Variants in ATAD3C observed in about 807,000 individuals in gnomAD.
ATAD3C encodes the protein ATPase family AAA domain-containing protein 3C.
A neutral mutation model predicts 46.3 loss-of-function variants in ATAD3C; 38 were observed. The ratio of observed to expected loss-of-function variants is 0.82; its 90% CI spans 0.63 to 1.08. ATAD3C has a LOEUF of 1.08. Ranked by LOEUF, ATAD3C falls within the 50% of genes least tolerant of loss-of-function variation. The pLI, the probability that ATAD3C is intolerant of heterozygous loss-of-function variation, is 0.00. For missense variants in ATAD3C, 563 were observed against 572.7 expected (o/e 0.98, Z 0.17); for synonymous variants, 220 against 236.4 (o/e 0.93, Z 0.63).
In ATAD3C at chr1:1,459,262, G is replaced by C. The variant is rs775924265; in HGVS notation, c.812+31G>C. ...GGAGCCCCTCGGGTCCTGGGCCCCC[G>C]GGCAGGGCTGTGCAGCCGTCACCCT... On this transcript the variant is annotated intron_variant, in intron 9 of 11. Coordinates refer to ENST00000378785, the MANE Select transcript of ATAD3C (RefSeq NM_001039211.3). The surrounding 1 kb of genome is among the most constrained non-coding windows in gnomAD (Gnocchi z 4.9). 4 of 1,609,146 alleles carry C rather than the reference G, an allele frequency of 2.5e-6. No individual in the cohort carries two copies. The highest frequency in any genetic ancestry group is 3.4e-6 in the Non-Finnish European group (4 of 1,179,660).
chr1:1,462,828 G>A lies in ATAD3C; in HGVS notation c.1089+120G>A. ...GGGAGCTTCTGTTGAGGGGTTTTCA[G>A]TGCACAGATGTGACACGGGGCCCCT... On this transcript the variant is annotated intron_variant, in intron 11 of 11. Coordinates refer to ENST00000378785, the MANE Select transcript of ATAD3C (RefSeq NM_001039211.3). This position sits in a 1 kb window ranked among gnomAD's most constrained non-coding sequence, Gnocchi z 4.5. 2 of 1,256,540 alleles carry A rather than the reference G, an allele frequency of 1.6e-6. No homozygotes were observed. Among genetic ancestry groups the A allele is most frequent in the Admixed American group, 4.4e-5 (2 of 45,672 alleles). The allele number at this position is 1,256,540 out of a possible 1,614,324, so 77.8% of individuals were successfully genotyped here.
At chr1:1,458,365 C>T (rs1037303678) in intron 8 of ATAD3C, among the ~76,000 whole-genome samples, 1 of 151,858 alleles carries the variant, frequency 6.6e-6, no homozygotes, top group Non-Finnish European at 1.5e-5. Context: ...ACCTCCGCCC[C>T]CTGGGTTCAA....
chr1:1,460,971 C>T lies in ATAD3C; in HGVS notation c.980+54C>T, dbSNP rs573082058. On this transcript the variant is annotated intron_variant, in intron 10 of 11. Transcript: ENST00000378785. Reference sequence around the variant, plus strand: ...CCAGGGGCCCTCGCTCAGGGTCCACCCCTGCTCCTGTTCTCCGGACACACC... The same window carrying T: ...CCAGGGGCCCTCGCTCAGGGTCCACTCCTGCTCCTGTTCTCCGGACACACC... 7.5e-5 allele frequency: 116 copies of T among 1,540,458 alleles called. No individual in the cohort carries two copies. In the African/African-American group the frequency reaches 1.3e-3, roughly 17 times the overall value.
chr1:1,467,306 C>T (rs1376405102), intron 11 of ATAD3C, among the ~76,000 whole-genome samples: 2 of 152,050 alleles, frequency 1.3e-5, no homozygotes, highest in Non-Finnish European at 2.9e-5. Context: ...CACCTGTTTG[C>T]CCTCTCTTGG....
intron 9 of ATAD3C, among the ~76,000 whole-genome samples, 164 bp from the exon 10 acceptor site, chr1:1,460,586 G>A (rs1639039421): frequency 6.6e-6 from 1 of 152,176 alleles, no homozygotes; most frequent in Non-Finnish European, 1.5e-5. Context: ...AGGCAGGCGG[G>A]TGACCATGGC....
intron 8 of ATAD3C, among the ~76,000 whole-genome samples, chr1:1,458,392 G>A (rs1209970413): frequency 5.3e-5 from 8 of 150,502 alleles, no homozygotes; most frequent in Non-Finnish European, 1.2e-4. Flanking sequence ...CCCCTGCCTC[G>A]GCCTCCCAAG....
intron 11 of ATAD3C, among the ~76,000 whole-genome samples, chr1:1,463,533 A>C (rs1639102975): frequency 6.6e-6 from 1 of 151,990 alleles, no homozygotes; most frequent in African/African-American, 2.4e-5. Flanking sequence ...AGAACCCCAG[A>C]TCTCAAACCC....
rs2454648 is a variant in ATAD3C at position 1,468,493 on chromosome 1, A to C, written c.1199A>C (p.Glu400Ala). 1 of 1,610,786 alleles carries C rather than the reference A, an allele frequency of 6.2e-7. No homozygotes were observed. The change falls in exon 12 of 12, where the codon GAG (glutamate) becomes GCG (alanine). Residue 400 changes from glutamate to alanine, a missense_variant. By Grantham distance (107) the Glu-to-Ala change is moderately radical. Coordinates refer to ENST00000378785, the MANE Select transcript of ATAD3C (RefSeq NM_001039211.3). Reference sequence around the variant, plus strand: ...CAGATGATGCGCTGGCTGAAGGGGGAGAGGCCTGGGCCCGAGGACGAGCAA... The same window carrying C: ...CAGATGATGCGCTGGCTGAAGGGGGCGAGGCCTGGGCCCGAGGACGAGCAA... ...HQQMMRWLKGERPGPEDEQPS... is the reference protein window; with the variant it reads ...HQQMMRWLKGARPGPEDEQPS...
In ATAD3C at chr1:1,457,130, C is replaced by G. The variant is rs1414716716; in HGVS notation, c.691C>G (p.Leu231Val). 6.2e-7 allele frequency: 1 copy of G among 1,613,528 alleles called. No homozygotes were observed. Among genetic ancestry groups the G allele is most frequent in the Admixed American group, 1.7e-5 (1 of 59,974 alleles). Residue 231 changes from leucine (L) to valine (V), a missense_variant and splice_region_variant, in exon 8 of 12, where the codon CTC becomes GTC. Around this residue, in one of 3 missense-constraint regions of ATAD3C, gnomAD observed 273 missense variants for 253.5 expected, o/e 1.08. Coordinates refer to ENST00000378785, the MANE Select transcript of ATAD3C (RefSeq NM_001039211.3). ...GCTTGGCCTCCCTCTCGTCCACAGCCTCCTGCTCTTTGTGGATGAAGCGGA... is the reference window on the plus strand; with the variant it reads ...GCTTGGCCTCCCTCTCGTCCACAGCGTCCTGCTCTTTGTGGATGAAGCGGA... ...FDWANTSRRG[L>V]LLFVDEADAF...
rs1470842832 is a variant in ATAD3C, at chr1:1,459,223, C to T, written c.804C>T (p.His268=). Residue 268 remains histidine, a synonymous_variant, in exon 9 of 12, where the codon CAC becomes CAT. Coordinates refer to ENST00000378785, the MANE Select transcript of ATAD3C (RefSeq NM_001039211.3). This position sits in a 1 kb window ranked among gnomAD's most constrained non-coding sequence, Gnocchi z 4.9. The part of the protein sequence containing the change: ...LNAFLYRTGQ[H]SNKFMLILAS... ...CCTTCCTGTACCGCACGGGCCAGCA[C>T]AGCAACAAGTGAGGGAGCCCCTCGG... 3 of 1,612,630 alleles carry T rather than the reference C, an allele frequency of 1.9e-6. No homozygotes were observed. Among genetic ancestry groups the T allele is most frequent in the Non-Finnish European group, 2.5e-6 (3 of 1,179,660 alleles).
At position 1,468,411 on chromosome 1, in the gene ATAD3C, G is replaced by A. The variant is rs1279516814; in HGVS notation, c.1117G>A (p.Val373Ile). Reference protein sequence around the residue: ...QATAYASKDGVLTEAMMDACV... With the variant: ...QATAYASKDGILTEAMMDACV... ...CACGGCGTATGCCTCCAAGGACGGGGTCCTGACCGAGGCCATGATGGACGC... is the reference window on the plus strand; with the variant it reads ...CACGGCGTATGCCTCCAAGGACGGGATCCTGACCGAGGCCATGATGGACGC... The change falls in exon 12 of 12, where the codon GTC (valine) becomes ATC (isoleucine). Residue 373 changes from valine to isoleucine, a missense_variant. Coordinates refer to ENST00000378785, the MANE Select transcript of ATAD3C (RefSeq NM_001039211.3). 10 of 1,612,784 alleles carry A rather than the reference G, an allele frequency of 6.2e-6. No individual in the cohort carries two copies. In the African/African-American group the frequency reaches 1.2e-4, roughly 19 times the overall value.
intron 4 of ATAD3C, among the ~76,000 whole-genome samples, chr1:1,455,216 C>CAAAAA (rs56939451): frequency 2.0e-5 from 1 of 49,280 alleles, no homozygotes; most frequent in Non-Finnish European, 5.1e-5. Context: ...GACTCCGTCT[C>CAAAAA]AAAAAAAAAA....
chr1:1,461,430 C>T lies in ATAD3C; in HGVS notation c.980+513C>T, dbSNP rs74599062. On this transcript the variant is annotated intron_variant, in intron 10 of 11. Transcript: ENST00000378785. ...CTTGAACCCCTGACCTCAGGTGATC[C>T]GCCCGCTTCAGCCTCCCAAAGTGCA... Among the ~76,000 whole-genome samples, 17 of 152,094 alleles carry T rather than the reference C, an allele frequency of 1.1e-4. 1 individual carries two copies. The East Asian group carries it at 2.1e-3, about 19-fold the overall frequency.
At chr1:1,465,624 T>C (rs1165471529) in intron 11 of ATAD3C, among the ~76,000 whole-genome samples, 1 of 151,164 alleles carries the variant, frequency 6.6e-6, no homozygotes. Flanking sequence ...AGATTATTCA[T>C]TGTTAGTATG....
intron 3 of ATAD3C, among the ~76,000 whole-genome samples, chr1:1,452,845 C>T (rs188572867): frequency 9.2e-5 from 14 of 151,748 alleles, no homozygotes; most frequent in Non-Finnish European, 1.9e-4. Flanking sequence ...CAGAAGGCGA[C>T]CCTGACTCCA....
chr1:1,466,792 T>C (rs1639152490), intron 11 of ATAD3C, among the ~76,000 whole-genome samples: 1 of 151,902 alleles, frequency 6.6e-6, no homozygotes, highest in Non-Finnish European at 1.5e-5. Flanking sequence ...CTTGACGACT[T>C]TTCCAACGAT....
chr1:1,453,194 T>C (rs1291524377), intron 3 of ATAD3C, among the ~76,000 whole-genome samples: 1 of 152,088 alleles, frequency 6.6e-6, no homozygotes, highest in African/African-American at 2.4e-5. Flanking sequence ...AGCTGCTTAA[T>C]GCACTGTTGA....
At position 1,462,696 on chromosome 1, in the gene ATAD3C, C is replaced by T. The variant is rs745838358; in HGVS notation, c.1077C>T (p.Ala359=). The part of the protein sequence containing the change: ...GMSCRKIAQL[A]VSWQATAYAS... Reference sequence around the variant, plus strand: ...CATGCCGGAAGATCGCACAGCTGGCCGTGTCCTGGCAGGTGAGTCAGGCTC... The same window carrying T: ...CATGCCGGAAGATCGCACAGCTGGCTGTGTCCTGGCAGGTGAGTCAGGCTC... The change falls in exon 11 of 12, where the codon GCC becomes GCT. Residue 359 remains alanine, a synonymous_variant. Transcript: ENST00000378785. This position sits in a 1 kb window ranked among gnomAD's most constrained non-coding sequence, Gnocchi z 4.5. The T allele has an allele frequency of 5.6e-6, 9 of 1,602,984 alleles. No homozygotes were observed. In the East Asian group the frequency reaches 6.7e-5, roughly 12 times the overall value.
At chr1:1,465,319 C>T (rs147364442) in intron 11 of ATAD3C, among the ~76,000 whole-genome samples, 4,176 of 151,514 alleles carry the variant, frequency 0.028, 142 homozygotes, top group Middle Eastern at 0.085. Context: ...GGGCCAGGCG[C>T]GGTGGCTCAT....
Sources: gnomAD v4.1 joint callset for allele counts (sites outside exome capture counted in the v4.1 genomes callset) on GRCh38, gnomAD v4.1.1 for gene constraint, gnomAD v4.1.1 regional missense constraint, Gnocchi (gnomAD v3.1) non-coding constraint, MANE v1.5 for transcripts, NCBI Gene and HGNC (gene_info 2026-07-23, HGNC 2026-07-21) for gene names.